Variants in TCF12 observed in about 807,000 individuals in gnomAD.
TCF12 encodes transcription factor 12.
TCF12 carries 45 observed loss-of-function variants against 86.0 expected under a neutral mutation model. The ratio of observed to expected loss-of-function variants is 0.52; its 90% CI spans 0.41 to 0.67. The LOEUF is 0.67. TCF12 is among the 30% of genes least tolerant of loss of function. TCF12 has a pLI of 0.00. For missense variants in TCF12, 881 were observed against 859.9 expected (o/e 1.02, Z -0.31); for synonymous variants, 330 against 299.6 (o/e 1.10, Z -1.05).
intron 19 of TCF12, among the ~76,000 whole-genome samples, chr15:57,276,478 T>C (rs1396087590): frequency 2.6e-5 from 4 of 152,186 alleles, no homozygotes; most frequent in Admixed American, 2.0e-4. Context: ...AGAAAGTCGA[T>C]GGAATAGTGG....
chr15:57,128,622 A>G lies in TCF12; in HGVS notation c.325+36731A>G, dbSNP rs4454320. Among the ~76,000 whole-genome samples the G allele has an allele frequency of 5.6e-3, 853 of 152,346 alleles. 8 individuals carry two copies. The highest frequency in any genetic ancestry group is 0.024 in the Admixed American group (366 of 15,292). On this transcript the variant is annotated intron_variant, in intron 5 of 20. Coordinates refer to ENST00000333725, the MANE Select transcript of TCF12 (RefSeq NM_207037.2). ...TTAGTATATTTAGAGTTGTGCAACCATCACCACTAATTTCTGAACATTTTG... is the reference window on the plus strand; with the variant it reads ...TTAGTATATTTAGAGTTGTGCAACCGTCACCACTAATTTCTGAACATTTTG...
chr15:57,036,716 A>G (rs890115357), intron 3 of TCF12, among the ~76,000 whole-genome samples: 1 of 152,162 alleles, frequency 6.6e-6, no homozygotes, highest in Non-Finnish European at 1.5e-5. Context: ...TTACTGAGTT[A>G]TATTTCTTTA....
In TCF12 at chr15:57,287,501, ACT is replaced by A. The variant is rs1291163032; in HGVS notation, c.*1361_*1362del. ...CCATCTTAATACTGTTCATTAAGGCACTCTCTGTCTCTAATCCTTAGGAGTTG... is the reference window on the plus strand; with the variant it reads ...CCATCTTAATACTGTTCATTAAGGCACTCTGTCTCTAATCCTTAGGAGTTG... On this transcript the variant is annotated 3_prime_UTR_variant, in exon 21 of 21. Coordinates refer to ENST00000333725, the MANE Select transcript of TCF12 (RefSeq NM_207037.2). The A allele has an allele frequency of 6.6e-6, 1 of 152,620 alleles. No individual in the cohort carries two copies. The highest frequency in any genetic ancestry group is 2.4e-5 in the African/African-American group (1 of 41,428). 9.5% of individuals were successfully genotyped at this position (152,620 alleles called of 1,614,324 possible). A position where few individuals can be genotyped will look rare whatever the true frequency, so the allele number is the denominator to read the frequency against.
chr15:57,078,489 C>G (rs1326164676), intron 4 of TCF12, among the ~76,000 whole-genome samples: 1 of 152,144 alleles, frequency 6.6e-6, no homozygotes, highest in East Asian at 1.9e-4. Flanking sequence ...CTTGTGACTT[C>G]TTGTGACTGT....
chr15:57,260,356 A>G (rs2060533182), intron 16 of TCF12, among the ~76,000 whole-genome samples: 2 of 152,206 alleles, frequency 1.3e-5, no homozygotes, highest in South Asian at 2.1e-4. Flanking sequence ...CAGATGAATC[A>G]TCACTTAGAT....
intron 13 of TCF12, chr15:57,247,658 C>A (rs553332262): frequency 6.5e-6 from 5 of 769,484 alleles, no homozygotes. Flanking sequence ...TTTAATACCA[C>A]CAACAAAAAT....
intron 3 of TCF12, among the ~76,000 whole-genome samples, chr15:56,937,177 C>T (rs1420825892): frequency 1.3e-5 from 2 of 152,062 alleles, no homozygotes; most frequent in African/African-American, 2.4e-5. Flanking sequence ...TCCTTGTAGA[C>T]GTCCTTTACC....
intron 3 of TCF12, among the ~76,000 whole-genome samples, chr15:56,935,424 G>C (rs1380015874): frequency 6.6e-6 from 1 of 152,104 alleles, no homozygotes; most frequent in Admixed American, 6.6e-5. Flanking sequence ...GTGTATGTGT[G>C]TGTATGGTGG....
chr15:56,965,368 A>G (rs1344173130), intron 3 of TCF12, among the ~76,000 whole-genome samples: 4 of 152,168 alleles, frequency 2.6e-5, no homozygotes, highest in Non-Finnish European at 4.4e-5. Context: ...TTTGAGCAAC[A>G]CTACTGTATG....
intron 3 of TCF12, among the ~76,000 whole-genome samples, chr15:57,000,376 A>G (rs1355753906): frequency 6.6e-6 from 1 of 152,098 alleles, no homozygotes. Flanking sequence ...CATATAAAAT[A>G]AGGGATGATA....
intron 3 of TCF12, among the ~76,000 whole-genome samples, chr15:57,007,649 AT>A (rs11350488): frequency 0.94 from 143,687 of 152,162 alleles, 68,139 homozygotes; most frequent in Non-Finnish European, 0.99. Flanking sequence ...CTTTCCAGTG[AT>A]TTTTTTGTAT....
intron 5 of TCF12, among the ~76,000 whole-genome samples, chr15:57,155,347 A>C (rs921241616): frequency 6.6e-6 from 1 of 152,184 alleles, no homozygotes; most frequent in Non-Finnish European, 1.5e-5. Flanking sequence ...CTTACTCACA[A>C]ATCAACTTTG....
At chr15:57,003,024 T>G (rs2064142407) in intron 3 of TCF12, among the ~76,000 whole-genome samples, 1 of 152,208 alleles carries the variant, frequency 6.6e-6, no homozygotes, top group Non-Finnish European at 1.5e-5. Flanking sequence ...TTAGAAAAAT[T>G]CATTCTTCTA....
chr15:57,195,510 A>G (rs2057212893), intron 7 of TCF12, among the ~76,000 whole-genome samples: 1 of 152,226 alleles, frequency 6.6e-6, no homozygotes, highest in African/African-American at 2.4e-5. Context: ...TTTTATAAAT[A>G]CAGAGTGTGC....
At chr15:56,930,443 T>C (rs1203310162) in intron 3 of TCF12, among the ~76,000 whole-genome samples, 1 of 152,240 alleles carries the variant, frequency 6.6e-6, no homozygotes, top group Non-Finnish European at 1.5e-5. Flanking sequence ...GAAACCCCAC[T>C]ATATCTAGCC....
chr15:57,265,884 A>G (rs2060840334), intron 18 of TCF12, among the ~76,000 whole-genome samples: 1 of 152,200 alleles, frequency 6.6e-6, no homozygotes, highest in Non-Finnish European at 1.5e-5. Flanking sequence ...TACCACAGCT[A>G]CATTACTATA....
chr15:57,237,852 C>G (rs1243402400), intron 12 of TCF12, among the ~76,000 whole-genome samples: 1 of 152,094 alleles, frequency 6.6e-6, no homozygotes, highest in Non-Finnish European at 1.5e-5. Flanking sequence ...AATAAACACT[C>G]AGAGATAAAG....
At chr15:57,048,416 C>G (rs527405341) in intron 3 of TCF12, among the ~76,000 whole-genome samples, 1 of 152,264 alleles carries the variant, frequency 6.6e-6, no homozygotes, top group Non-Finnish European at 1.5e-5. Context: ...CACCCGCCAC[C>G]ACGCCCGGCT....
chr15:57,285,647 T>C (rs1438460075), intron 20 of TCF12, among the ~76,000 whole-genome samples: 2 of 152,178 alleles, frequency 1.3e-5, no homozygotes, highest in Non-Finnish European at 2.9e-5. Flanking sequence ...AATGAATGAG[T>C]AGCACCTCAG....
Sources: allele counts gnomAD v4.1 joint callset (sites outside exome capture counted in the v4.1 genomes callset), GRCh38; gene constraint gnomAD v4.1.1; transcripts MANE v1.5; gene names NCBI Gene and HGNC (gene_info 2026-07-23, HGNC 2026-07-21).